ELF4: variants seen among roughly 807,000 people sequenced by gnomAD.
ELF4 encodes E74 like ETS transcription factor 4.
ELF4 carries 10 observed loss-of-function variants against 31.7 expected under a neutral mutation model. The ratio of observed to expected loss-of-function variants is 0.32; its 90% CI spans 0.19 to 0.54. The LOEUF is 0.54. Ranked by LOEUF, ELF4 falls within the 20% of genes least tolerant of loss-of-function variation. The probability of loss-of-function intolerance (pLI) is 0.95; values close to 1 mark genes in which losing one functional copy is unlikely to be tolerated. For synonymous variants in ELF4, 208 were observed against 226.7 expected, an observed-to-expected ratio of 0.92 and a Z score of 0.74; for missense variants, 418 against 522.0, an observed-to-expected ratio of 0.80 and a Z score of 1.94.
intron 1 of ELF4, among the ~76,000 whole-genome samples, chrX:130,090,198 C>T (rs1450881085): frequency 9.1e-6 from 1 of 110,074 alleles, no homozygotes; most frequent in Non-Finnish European, 1.9e-5. Flanking sequence ...ATGGTGAAGC[C>T]TTGTCTATAA....
At chrX:130,080,249 C>T (rs748348895) in intron 2 of ELF4, among the ~76,000 whole-genome samples, 1 of 109,978 alleles carries the variant, frequency 9.1e-6, no homozygotes, top group East Asian at 2.9e-4. Context: ...TGGTGAAACC[C>T]GGTCTCTACT....
Position 130,074,609 on chromosome X carries a change from C to A in ELF4, c.219G>T (p.Gln73His), listed in dbSNP as rs1276273891. The change falls in exon 3 of 9, where the codon CAG (glutamine) becomes CAT (histidine). Residue 73 changes from glutamine (Q) to histidine (H), a missense_variant. By Grantham distance (24) the Gln-to-His change is conservative. Coordinates refer to ENST00000308167, the MANE Select transcript of ELF4 (RefSeq NM_001421.4). ...TDGTLCMTQDQILEGSFLLTD... is the reference protein window; with the variant it reads ...TDGTLCMTQDHILEGSFLLTD... ...TCAGCAAAAAACTGCCTTCCAGGAT[C>A]TGATCCTGCGTCATGCACAAGGTCC... 2.5e-6 allele frequency: 3 copies of A among 1,211,889 alleles called. No homozygotes were observed. The highest frequency in any genetic ancestry group is 1.8e-5 in the South Asian group (1 of 57,015).
chrX:130,074,535 A>G, intron 3 of ELF4, 46 bp downstream of exon 3: 1 of 1,209,611 alleles, frequency 8.3e-7, no homozygotes, highest in Non-Finnish European at 1.1e-6. Context: ...CTAAAGACAC[A>G]GCCCCTTTTT....
intron 2 of ELF4, among the ~76,000 whole-genome samples, chrX:130,078,480 G>A (rs1035617497): frequency 4.3e-4 from 48 of 110,379 alleles, no homozygotes; most frequent in African/African-American, 1.4e-3. Flanking sequence ...AAATTAGGCC[G>A]GGCATGGTGG....
At chrX:130,072,771 C>T (rs1932799809) in intron 4 of ELF4, among the ~76,000 whole-genome samples, 1 of 112,192 alleles carries the variant, frequency 8.9e-6, no homozygotes, top group African/African-American at 3.2e-5. Flanking sequence ...CCTGTGTTTT[C>T]CTGATGAGGA....
chrX:130,070,785 A>AG (rs1932779305), intron 7 of ELF4, among the ~76,000 whole-genome samples: 1 of 102,187 alleles, frequency 9.8e-6, no homozygotes, highest in Non-Finnish European at 2.0e-5. Context: ...AAAAAAAAAA[A>AG]AAAAAGAAAG....
chrX:130,106,104 G>A (rs1036523585), intron 1 of ELF4, among the ~76,000 whole-genome samples: 7 of 110,513 alleles, frequency 6.3e-5, no homozygotes, highest in African/African-American at 1.6e-4. Flanking sequence ...AGAGAAAGGC[G>A]TCTTTTCTTC....
chrX:130,094,879 G>A (rs1015470276), intron 1 of ELF4, among the ~76,000 whole-genome samples: 2 of 111,449 alleles, frequency 1.8e-5, no homozygotes, highest in African/African-American at 3.3e-5. Context: ...CTGGCGGCAC[G>A]TGTTTGGGTG....
intron 2 of ELF4, among the ~76,000 whole-genome samples, chrX:130,080,042 T>A (rs1034234375): frequency 8.9e-6 from 1 of 111,947 alleles, no homozygotes; most frequent in African/African-American, 3.2e-5. Context: ...GGATTTAGAA[T>A]AGAGAGCATC....
intron 1 of ELF4, among the ~76,000 whole-genome samples, chrX:130,089,189 C>T (rs748223967): frequency 1.8e-5 from 2 of 109,585 alleles, no homozygotes; most frequent in African/African-American, 3.3e-5. Context: ...TCTCTCTCAC[C>T]GGCACGATTA....
At chrX:130,091,668 C>G (rs2124628363) in intron 1 of ELF4, among the ~76,000 whole-genome samples, 1 of 111,101 alleles carries the variant, frequency 9.0e-6, no homozygotes, top group East Asian at 2.8e-4. Context: ...ATGCCAAATA[C>G]AACTCAGCAG....
intron 1 of ELF4, among the ~76,000 whole-genome samples, chrX:130,089,533 A>AC (rs1379904446): frequency 1.6e-4 from 17 of 105,159 alleles, no homozygotes; most frequent in Non-Finnish European, 2.1e-4. Flanking sequence ...AAAAAAAAAA[A>AC]AAAACACCTC....
intron 1 of ELF4, 58 bp from the exon 2 acceptor site, chrX:130,081,597 C>A: frequency 2.4e-6 from 1 of 410,622 alleles, no homozygotes; most frequent in Non-Finnish European, 4.3e-6. Context: ...AGCTCTGTTG[C>A]CAGAACTGCC....
intron 1 of ELF4, among the ~76,000 whole-genome samples, chrX:130,091,568 G>A (rs1183943196): frequency 8.9e-6 from 1 of 112,427 alleles, no homozygotes; most frequent in African/African-American, 3.2e-5. Flanking sequence ...GATTACAGGC[G>A]TGAGCCACCA....
chrX:130,101,787 G>A (rs1024732311), intron 1 of ELF4, among the ~76,000 whole-genome samples: 2 of 100,155 alleles, frequency 2.0e-5, no homozygotes, highest in East Asian at 3.0e-4. Flanking sequence ...CGACAAGAGG[G>A]AAACTCCGTC....
At chrX:130,103,955 C>T (rs1933328638) in intron 1 of ELF4, among the ~76,000 whole-genome samples, 4 of 112,154 alleles carry the variant, frequency 3.6e-5, no homozygotes, top group Middle Eastern at 4.6e-3. Flanking sequence ...AAGGCAGTGC[C>T]CCAGCCTCAA....
Position 130,081,439 on chromosome X carries a change from CCT to C in ELF4, c.-111_-110del. ...GTACTTTGGAGCCTAGAGCCTACCC[CCT>C]GAGCTGCAGTAAAATAGGGGGTGGA... On this transcript the variant is annotated 5_prime_UTR_variant, in exon 2 of 9. Coordinates refer to ENST00000308167, the MANE Select transcript of ELF4 (RefSeq NM_001421.4). 3.7e-6 allele frequency: 3 copies of C among 820,271 alleles called. No individual in the cohort carries two copies. In the South Asian group the frequency reaches 6.2e-5, roughly 17 times the overall value. 67.6% of individuals were successfully genotyped at this position (820,271 alleles called of 1,213,427 possible).
intron 8 of ELF4, among the ~76,000 whole-genome samples, chrX:130,068,385 C>T (rs1214283481): frequency 2.7e-5 from 3 of 112,289 alleles, no homozygotes; most frequent in South Asian, 3.7e-4. Context: ...CTAGTGATTA[C>T]ACAGCCAGTA....
intron 1 of ELF4, among the ~76,000 whole-genome samples, chrX:130,086,694 C>T (rs1410766740): frequency 1.8e-5 from 2 of 112,293 alleles, no homozygotes; most frequent in African/African-American, 3.2e-5. Flanking sequence ...CAGGGAGTCT[C>T]GGGTGAATAA....
Sources: gnomAD v4.1 joint callset for allele counts (sites outside exome capture counted in the v4.1 genomes callset) on GRCh38, gnomAD v4.1.1 for gene constraint, MANE v1.5 for transcripts, NCBI Gene and HGNC (gene_info 2026-07-23, HGNC 2026-07-21) for gene names.